MMP12: variants seen among roughly 807,000 people sequenced by gnomAD.
MMP12 encodes the protein matrix metallopeptidase 12, also known as macrophage metalloelastase.
A neutral mutation model predicts 45.2 loss-of-function variants in MMP12; 51 were observed. The ratio of observed to expected loss-of-function variants is 1.13; its 90% CI spans 0.90 to 1.42. The LOEUF (loss-of-function observed/expected upper bound fraction) is 1.42. Among genes scored for constraint, MMP12 ranks in the 40% most tolerant of loss-of-function variants. The probability of loss-of-function intolerance (pLI) is 0.00; values close to 1 mark genes in which losing one functional copy is unlikely to be tolerated. For missense variants in MMP12, 530 were observed against 570.8 expected, an observed-to-expected ratio of 0.93 and a Z score of 0.73; for synonymous variants, 210 against 193.3, an observed-to-expected ratio of 1.09 and a Z score of -0.72.
chr11:102,871,189 T>A (rs1859487185), intron 4 of MMP12, among the ~76,000 whole-genome samples: 1 of 152,032 alleles, frequency 6.6e-6, no homozygotes, highest in South Asian at 2.1e-4. Context: ...AGCATCATGA[T>A]ACGTGATGCC....
chr11:102,873,213 C>G, intron 1 of MMP12, 101 bp from the exon 2 acceptor site: 1 of 1,069,482 alleles, frequency 9.4e-7, no homozygotes, highest in South Asian at 1.6e-5. Flanking sequence ...GCTTTTGGAC[C>G]AGGAATTTTG....
Position 102,863,144 on chromosome 11 carries a change from G to A in MMP12, c.1369C>T (p.Arg457Cys), listed in dbSNP as rs201220046. 3.5e-5 allele frequency: 56 copies of A among 1,611,572 alleles called. No individual in the cohort carries two copies. The highest frequency in any genetic ancestry group is 1.7e-4 in the Middle Eastern group (1 of 6,034). ...TTGCTTTTCAGTGTTTTGGTGATACGTTGGAGTAGGAAGTCATATTCAAAT... is the reference window on the plus strand; with the variant it reads ...TTGCTTTTCAGTGTTTTGGTGATACATTGGAGTAGGAAGTCATATTCAAAT... The part of the protein sequence containing the change: ...NQFEYDFLLQ[R>C]ITKTLKSNSW... The change falls in exon 10 of 10, where the codon CGT becomes TGT. Residue 457 changes from arginine to cysteine, a missense_variant. Physicochemically the swap from Arg to Cys is radical, Grantham distance 180. Coordinates refer to ENST00000571244, the MANE Select transcript of MMP12 (RefSeq NM_002426.6).
Position 102,865,533 on chromosome 11 carries a change from A to C in MMP12, c.1205+243T>G, listed in dbSNP as rs1859368482. 6.6e-6 allele frequency among the ~76,000 whole-genome samples: 1 copy of C among 152,074 alleles called. No homozygotes were observed. The highest frequency in any genetic ancestry group is 2.1e-4 in the South Asian group (1 of 4,830). ...TGTTTCCACTATGATTAATAAGATG[A>C]CATTTTATTTAGAGTGTTTTTTTAA... On this transcript the variant is annotated intron_variant, in intron 8 of 9. Coordinates refer to ENST00000571244, the MANE Select transcript of MMP12 (RefSeq NM_002426.6). This position sits in a 1 kb window ranked among gnomAD's most constrained non-coding sequence, Gnocchi z 4.1.
At chr11:102,871,446 A>T in intron 4 of MMP12, 148 bp downstream of exon 4, 1 of 1,083,276 alleles carries the variant, frequency 9.2e-7, no homozygotes, top group Non-Finnish European at 1.3e-6. Flanking sequence ...TAGAGGCAAA[A>T]TTATAATCAG....
intron 7 of MMP12, 60 bp downstream of exon 7, chr11:102,866,255 T>C: frequency 6.9e-7 from 1 of 1,458,598 alleles, no homozygotes; most frequent in Non-Finnish European, 9.2e-7. Context: ...TAGTAGTCTC[T>C]TCTCAATTTA....
At chr11:102,868,883 G>A (rs1172929281) in intron 4 of MMP12, among the ~76,000 whole-genome samples, 2 of 152,056 alleles carry the variant, frequency 1.3e-5, no homozygotes, top group African/African-American at 4.8e-5. Context: ...GACATATTTG[G>A]ACTACCAAGT....
intron 1 of MMP12, 103 bp from the exon 2 acceptor site, chr11:102,873,215 G>C: frequency 2.9e-6 from 3 of 1,028,060 alleles, no homozygotes; most frequent in Non-Finnish European, 4.2e-6. Context: ...TTTTGGACCA[G>C]GAATTTTGCA....
At position 102,865,686 on chromosome 11, in the gene MMP12, A is replaced by T; in HGVS notation, c.1205+90T>A. On this transcript the variant is annotated intron_variant, in intron 8 of 9. Transcript: ENST00000571244. This position sits in a 1 kb window ranked among gnomAD's most constrained non-coding sequence, Gnocchi z 4.1. ...CCCTGGAAGGTCAAGGAGCTTTGGGAATTTGCGCAGAAAATGTGCCTTCTA... is the reference window on the plus strand; with the variant it reads ...CCCTGGAAGGTCAAGGAGCTTTGGGTATTTGCGCAGAAAATGTGCCTTCTA... The T allele has an allele frequency of 1.9e-6, 2 of 1,077,150 alleles. No individual in the cohort carries two copies. Among genetic ancestry groups the T allele is most frequent in the Non-Finnish European group, 2.6e-6 (2 of 771,656 alleles). The allele number at this position is 1,077,150 out of a possible 1,614,324, so 66.7% of individuals were successfully genotyped here. A position where few individuals can be genotyped will look rare whatever the true frequency, so the allele number is the denominator to read the frequency against.
chr11:102,874,809 G>A (rs782193463), intron 1 of MMP12, 27 bp downstream of exon 1: 15 of 1,368,328 alleles, frequency 1.1e-5, no homozygotes, highest in African/African-American at 2.9e-5. Flanking sequence ...CATCAAGCTC[G>A]ATAAATACTG....
rs782272486 is a variant in MMP12 at position 102,864,223 on chromosome 11, G to C, written c.1235C>G (p.Pro412Arg). ...RYDERRQMMDPGYPKLITKNF... is the reference protein window; with the variant it reads ...RYDERRQMMDRGYPKLITKNF... The stretch of plus-strand genomic sequence containing the variant: ...CTTGGTAATCAGTTTGGGATAACCA[G>C]GGTCCATCATCTGTCTCCTTTCATC... Residue 412 changes from proline (P) to arginine (R), a missense_variant, in exon 9 of 10, where the codon CCT becomes CGT. Pro to Arg is a moderately radical substitution (Grantham distance 103). Transcript: ENST00000571244. 2 of 1,613,712 alleles carry C rather than the reference G, an allele frequency of 1.2e-6. No homozygotes were observed. The highest frequency in any genetic ancestry group is 4.5e-5 in the East Asian group (2 of 44,864).
At chr11:102,863,902 A>C (rs1555008151) in intron 9 of MMP12, among the ~76,000 whole-genome samples, 1 of 152,166 alleles carries the variant, frequency 6.6e-6, no homozygotes, top group Non-Finnish European at 1.5e-5. Context: ...CATGAGAAAT[A>C]GGAACAATCA....
At chr11:102,867,877 A>G in intron 5 of MMP12, 31 bp downstream of exon 5, 1 of 1,586,044 alleles carries the variant, frequency 6.3e-7, no homozygotes, top group Non-Finnish European at 8.6e-7. Flanking sequence ...GAGTATCTTT[A>G]TATGGCAAAA....
chr11:102,864,308 C>T, intron 8 of MMP12, 56 bp from the exon 9 acceptor site: 2 of 1,140,440 alleles, frequency 1.8e-6, no homozygotes, highest in South Asian at 1.3e-5. Context: ...TCCTGACATG[C>T]ACCACAAACC....
At position 102,865,568 on chromosome 11, in the gene MMP12, C is replaced by T. The variant is rs1464324208; in HGVS notation, c.1205+208G>A. On this transcript the variant is annotated intron_variant, in intron 8 of 9. Coordinates refer to ENST00000571244, the MANE Select transcript of MMP12 (RefSeq NM_002426.6). This position sits in a 1 kb window ranked among gnomAD's most constrained non-coding sequence, Gnocchi z 4.1. ...TAGAGTGTTTTTTTAAAAAAAAACACACATTATCTACTATTTCATATATCA... is the reference window on the plus strand; with the variant it reads ...TAGAGTGTTTTTTTAAAAAAAAACATACATTATCTACTATTTCATATATCA... Among the ~76,000 whole-genome samples the T allele has an allele frequency of 1.3e-5, 2 of 151,870 alleles. No individual in the cohort carries two copies. Among genetic ancestry groups the T allele is most frequent in the East Asian group, 1.9e-4 (1 of 5,192 alleles).
chr11:102,864,017 C>A, intron 9 of MMP12, 129 bp downstream of exon 9: 1 of 696,426 alleles, frequency 1.4e-6, no homozygotes, highest in Non-Finnish European at 2.5e-6. Flanking sequence ...GTGAGTTTTT[C>A]CTTGCGGCCC....
At chr11:102,874,118 G>A (rs868942324) in intron 1 of MMP12, among the ~76,000 whole-genome samples, 1 of 151,600 alleles carries the variant, frequency 6.6e-6, no homozygotes. Flanking sequence ...CAAATTTCTT[G>A]CTTAAAAACT....
rs1859341546 is a variant in MMP12 at position 102,864,156 on chromosome 11, G to A, written c.1302C>T (p.Tyr434=). The A allele has an allele frequency of 6.2e-7, 1 of 1,607,460 alleles. No homozygotes were observed. The highest frequency in any genetic ancestry group is 8.5e-7 in the Non-Finnish European group (1 of 1,174,094). ...TCCTCATCTACTTACTGTTTTTAGA[G>A]TAGAAGACTGCATCAATTTTAGGCC... is the stretch of plus-strand genomic sequence containing the variant. ...GIGPKIDAVF[Y]SKNKYYYFFQ... Residue 434 remains tyrosine, a synonymous_variant, in exon 9 of 10, where the codon TAC becomes TAT. Transcript: ENST00000571244.
At chr11:102,864,686 G>A (rs975531039) in intron 8 of MMP12, among the ~76,000 whole-genome samples, 6 of 152,290 alleles carry the variant, frequency 3.9e-5, no homozygotes, top group East Asian at 3.9e-4. Context: ...TTATACACAC[G>A]TTTGAGAGAA....
chr11:102,871,349 T>G (rs1859490845), intron 4 of MMP12, among the ~76,000 whole-genome samples: 1 of 152,164 alleles, frequency 6.6e-6, no homozygotes, highest in South Asian at 2.1e-4. Flanking sequence ...CATAGATTGT[T>G]AGAGCTGATC....
Sources: gnomAD v4.1 joint callset for allele counts (sites outside exome capture counted in the v4.1 genomes callset) on GRCh38, gnomAD v4.1.1 for gene constraint, Gnocchi (gnomAD v3.1) non-coding constraint, MANE v1.5 for transcripts, NCBI Gene and HGNC (gene_info 2026-07-23, HGNC 2026-07-21) for gene names.